Variants in SPATS2 observed in about 807,000 individuals in gnomAD.
SPATS2 encodes the protein spermatogenesis associated serine rich 2, also known as spermatogenesis-associated serine-rich protein 2.
Under a neutral mutation model 63.7 loss-of-function variants are expected in SPATS2, and 38 were observed. That is an observed-to-expected ratio of 0.60 (90% confidence interval 0.46 to 0.78). SPATS2 has a LOEUF of 0.78. Among genes scored for constraint, SPATS2 ranks in the 30% least tolerant of loss-of-function variants. The pLI, the probability that SPATS2 is intolerant of heterozygous loss-of-function variation, is 0.00. For synonymous variants in SPATS2, 207 were observed against 232.9 expected, an observed-to-expected ratio of 0.89 and a Z score of 1.01; for missense variants, 588 against 666.2, an observed-to-expected ratio of 0.88 and a Z score of 1.29.
chr12:49,492,202 T>TC (rs1946393635), intron 6 of SPATS2, among the ~76,000 whole-genome samples: 1 of 151,906 alleles, frequency 6.6e-6, no homozygotes. Flanking sequence ...AACACCAGTT[T>TC]CTTTTTTTTC....
intron 9 of SPATS2, among the ~76,000 whole-genome samples, chr12:49,502,855 C>T (rs1347253108): frequency 6.6e-6 from 1 of 152,190 alleles, no homozygotes; most frequent in Admixed American, 6.5e-5. Flanking sequence ...CTAGTTAATG[C>T]CACTTTCCCA....
At chr12:49,428,239 A>T (rs1399463522) in intron 2 of SPATS2, among the ~76,000 whole-genome samples, 1 of 152,038 alleles carries the variant, frequency 6.6e-6, no homozygotes, top group Non-Finnish European at 1.5e-5. Flanking sequence ...TGGGCTAAGG[A>T]GCGAGACCCC....
intron 9 of SPATS2, among the ~76,000 whole-genome samples, chr12:49,505,183 C>T (rs746631011): frequency 3.3e-5 from 5 of 152,000 alleles, no homozygotes; most frequent in South Asian, 4.1e-4. Flanking sequence ...AACCAAACTA[C>T]CTGCAAAATA....
At chr12:49,481,724 A>G (rs1388584849) in intron 3 of SPATS2, among the ~76,000 whole-genome samples, 3 of 151,836 alleles carry the variant, frequency 2.0e-5, no homozygotes, top group Non-Finnish European at 2.9e-5. Flanking sequence ...CAGCCTCCCA[A>G]AGTGCTGGGA....
chr12:49,421,976 T>C (rs1011700870), intron 2 of SPATS2, among the ~76,000 whole-genome samples: 4 of 152,170 alleles, frequency 2.6e-5, no homozygotes, highest in African/African-American at 7.2e-5. Context: ...AATGTACATA[T>C]AAATTCGTTG....
intron 2 of SPATS2, among the ~76,000 whole-genome samples, chr12:49,371,932 C>G (rs1293292433): frequency 6.9e-6 from 1 of 143,902 alleles, no homozygotes; most frequent in Non-Finnish European, 1.5e-5. Flanking sequence ...CAGATCCAAA[C>G]TATATCGCCC....
At chr12:49,426,596 T>C (rs1592384067) in intron 2 of SPATS2, among the ~76,000 whole-genome samples, 1 of 152,306 alleles carries the variant, frequency 6.6e-6, no homozygotes, top group South Asian at 2.1e-4. Flanking sequence ...CAGGCTGGAG[T>C]GCAGTGGCGC....
At chr12:49,382,377 A>G (rs1565694297) in intron 2 of SPATS2, among the ~76,000 whole-genome samples, 2 of 152,260 alleles carry the variant, frequency 1.3e-5, no homozygotes, top group Non-Finnish European at 2.9e-5. Context: ...TTTCTTCCCC[A>G]TGGATAGCAC....
At chr12:49,518,132 A>G (rs1035582688) in intron 10 of SPATS2, among the ~76,000 whole-genome samples, 40 of 152,232 alleles carry the variant, frequency 2.6e-4, no homozygotes, top group Admixed American at 2.6e-3. Flanking sequence ...CCCTTCTCCC[A>G]TATTACATAG....
chr12:49,396,657 C>T (rs1044838042), intron 2 of SPATS2, among the ~76,000 whole-genome samples: 2 of 152,218 alleles, frequency 1.3e-5, no homozygotes, highest in African/African-American at 4.8e-5. Context: ...GATCCAGTTT[C>T]TTCCAGGTAA....
chr12:49,465,589 A>T (rs1330471046), intron 3 of SPATS2, among the ~76,000 whole-genome samples: 1 of 152,168 alleles, frequency 6.6e-6, no homozygotes, highest in Admixed American at 6.5e-5. Flanking sequence ...TTCTGAATAC[A>T]AGTTCTTTAT....
In SPATS2 at chr12:49,517,579, C is replaced by T. The variant is rs371066113; in HGVS notation, c.899-1494C>T. On this transcript the variant is annotated intron_variant, in intron 10 of 13. Coordinates refer to ENST00000552918, the MANE Select transcript of SPATS2 (RefSeq NM_023071.4). ...ACAGAGGTAAGCAACCCAGGGCTGG[C>T]AGGACATTTCCCAGATGACATTAGG... 2.2e-4 allele frequency among the ~76,000 whole-genome samples: 34 copies of T among 152,218 alleles called. No individual in the cohort carries two copies. The Middle Eastern group carries it at 0.01, about 46-fold the overall frequency.
rs767550899 is a variant in SPATS2, at chr12:49,489,526, A to T, written c.167A>T (p.Gln56Leu). Residue 56 changes from glutamine to leucine, a missense_variant, in exon 5 of 14, where the codon CAG becomes CTG. Coordinates refer to ENST00000552918, the MANE Select transcript of SPATS2 (RefSeq NM_023071.4). Reference sequence around the variant, plus strand: ...AACAATGAAATTATCCTGGTTTTGCAGCACTTTGATAACTGTGTGGACAAA... The same window carrying T: ...AACAATGAAATTATCCTGGTTTTGCTGCACTTTGATAACTGTGTGGACAAA... ...KSNNEIILVL[Q>L]HFDNCVDKTV... 6.2e-7 allele frequency: 1 copy of T among 1,613,942 alleles called. No homozygotes were observed. Among genetic ancestry groups the T allele is most frequent in the East Asian group, 2.2e-5 (1 of 44,812 alleles).
At chr12:49,420,756 A>G (rs1361376230) in intron 2 of SPATS2, among the ~76,000 whole-genome samples, 2 of 152,144 alleles carry the variant, frequency 1.3e-5, no homozygotes, top group East Asian at 1.9e-4. Context: ...GCTCACACCC[A>G]TAATCCTAAC....
At chr12:49,496,628 G>A (rs547710052) in intron 7 of SPATS2, among the ~76,000 whole-genome samples, 16 of 152,120 alleles carry the variant, frequency 1.1e-4, no homozygotes, top group African/African-American at 2.7e-4. Context: ...CATTCCGGAC[G>A]CCACTTAAGA....
intron 2 of SPATS2, among the ~76,000 whole-genome samples, chr12:49,447,021 T>C (rs1290952318): frequency 6.6e-6 from 1 of 151,742 alleles, no homozygotes; most frequent in African/African-American, 2.4e-5. Flanking sequence ...CTCCGCCTCC[T>C]GGGTTCAAGC....
chr12:49,516,166 A>AATATAT (rs869230532), intron 10 of SPATS2, among the ~76,000 whole-genome samples: 10 of 30,820 alleles, frequency 3.2e-4, no homozygotes, highest in African/African-American at 2.2e-3. Flanking sequence ...AAAAAAAAAA[A>AATATAT]ATATATATAT....
chr12:49,467,996 G>T (rs1353293547), intron 3 of SPATS2, among the ~76,000 whole-genome samples: 1 of 152,032 alleles, frequency 6.6e-6, no homozygotes. Flanking sequence ...GCCTCCCAAA[G>T]TTCTGGGATT....
Position 49,519,108 on chromosome 12 carries a change from C to A in SPATS2, c.934C>A (p.Leu312Ile), listed in dbSNP as rs200515813. Reference protein sequence around the residue: ...ILLSRQKKAELLKKMTHVAVQ... With the variant: ...ILLSRQKKAEILKKMTHVAVQ... ...GCTCAGCCGACAAAAGAAGGCTGAA[C>A]TTCTAAAGAAGATGACTCATGTGGC... is the stretch of plus-strand genomic sequence containing the variant. Residue 312 changes from leucine to isoleucine, a missense_variant, in exon 11 of 14, where the codon CTT becomes ATT. Coordinates refer to ENST00000552918, the MANE Select transcript of SPATS2 (RefSeq NM_023071.4). 1 of 1,614,036 alleles carries A rather than the reference C, an allele frequency of 6.2e-7. No individual in the cohort carries two copies. Among genetic ancestry groups the A allele is most frequent in the African/African-American group, 1.3e-5 (1 of 75,058 alleles).
Sources: allele counts gnomAD v4.1 joint callset (sites outside exome capture counted in the v4.1 genomes callset), GRCh38; gene constraint gnomAD v4.1.1; transcripts MANE v1.5; gene names NCBI Gene and HGNC (gene_info 2026-07-23, HGNC 2026-07-21).